RUFY2: variants seen among roughly 807,000 people sequenced by gnomAD.
RUFY2 encodes RUN and FYVE domain-containing protein 2.
RUFY2 carries 49 observed loss-of-function variants against 94.4 expected under a neutral mutation model. The observed-to-expected ratio is 0.52, with a 90% CI of 0.41 to 0.66. The LOEUF is 0.66. RUFY2 is among the 30% of genes least tolerant of loss of function. The probability of loss-of-function intolerance (pLI) is 0.00; values close to 1 mark genes in which losing one functional copy is unlikely to be tolerated. For synonymous variants in RUFY2, 255 were observed against 235.7 expected (o/e 1.08, Z -0.75); for missense variants, 541 against 692.8 (o/e 0.78, Z 2.46).
At chr10:68,401,787 G>C (rs776470330) in intron 2 of RUFY2, 50 bp from the exon 3 acceptor site, 2 of 1,043,680 alleles carry the variant, frequency 1.9e-6, no homozygotes, top group Non-Finnish European at 3.0e-6. Flanking sequence ...AAAAACTGTA[G>C]TAACTTATTT....
intron 15 of RUFY2, among the ~76,000 whole-genome samples, chr10:68,358,719 T>C (rs571277926): frequency 1.6e-4 from 24 of 152,250 alleles, no homozygotes; most frequent in Non-Finnish European, 3.4e-4. Context: ...GAGACCAGCC[T>C]AGCCAACATG....
At chr10:68,382,038 C>T (rs986012608) in intron 10 of RUFY2, among the ~76,000 whole-genome samples, 8 of 151,244 alleles carry the variant, frequency 5.3e-5, no homozygotes, top group African/African-American at 1.7e-4. Context: ...ACTCAAATAA[C>T]AGTTTAATTT....
intron 7 of RUFY2, among the ~76,000 whole-genome samples, chr10:68,390,815 G>C (rs1408299531): frequency 6.6e-6 from 1 of 151,604 alleles, no homozygotes; most frequent in South Asian, 2.1e-4. Context: ...CACCGAGGCT[G>C]GAATGCAGTG....
chr10:68,359,650 T>C (rs1439969230), intron 15 of RUFY2, among the ~76,000 whole-genome samples: 1 of 148,048 alleles, frequency 6.8e-6, no homozygotes, highest in African/African-American at 2.5e-5. Flanking sequence ...CTACTATATA[T>C]ATAAAAATAT....
rs747619601 is a variant in RUFY2 at position 68,345,929 on chromosome 10, CAGAG to C, written c.1678-22_1678-19del. 2 of 1,611,052 alleles carry C rather than the reference CAGAG, an allele frequency of 1.2e-6. No individual in the cohort carries two copies. The highest frequency in any genetic ancestry group is 1.3e-5 in the African/African-American group (1 of 74,792). ...CAGTGGTGCTATTAAACAGAAAAAT[CAGAG>C]GGAAAAAAACACTTTAAATAAAATT... is the stretch of plus-strand genomic sequence containing the variant. On this transcript the variant is annotated intron_variant, in intron 17 of 17. Transcript: ENST00000602465.
At chr10:68,350,843 G>C (rs1371217353) in intron 16 of RUFY2, among the ~76,000 whole-genome samples, 1 of 151,744 alleles carries the variant, frequency 6.6e-6, no homozygotes, top group Non-Finnish European at 1.5e-5. Flanking sequence ...CTCCTGAGTA[G>C]CTAGGGTTAC....
rs758575750 is a variant in RUFY2, at chr10:68,376,806, G to A, written c.1325+47C>T. On this transcript the variant is annotated intron_variant, in intron 13 of 17. Coordinates refer to ENST00000602465, the MANE Select transcript of RUFY2 (RefSeq NM_001330103.2). ...CTATCATTATGTGCAAAAAAATGAGGGGGTTATGTTAACACAAGTATTTGT... is the reference window on the plus strand; with the variant it reads ...CTATCATTATGTGCAAAAAAATGAGAGGGTTATGTTAACACAAGTATTTGT... 3.9e-6 allele frequency: 6 copies of A among 1,532,476 alleles called. No individual in the cohort carries two copies. The Admixed American group carries it at 6.9e-5, about 18-fold the overall frequency. 94.9% of individuals were successfully genotyped at this position (1,532,476 alleles called of 1,614,324 possible). A position where few individuals can be genotyped will look rare whatever the true frequency, so the allele number is the denominator to read the frequency against.
chr10:68,393,300 A>G, intron 6 of RUFY2, 97 bp from the exon 7 acceptor site: 1 of 585,602 alleles, frequency 1.7e-6, no homozygotes, highest in Non-Finnish European at 2.9e-6. Flanking sequence ...AACTAAAATA[A>G]TAAAACATTG....
intron 3 of RUFY2, among the ~76,000 whole-genome samples, chr10:68,400,520 C>T (rs560898314): frequency 2.0e-5 from 3 of 148,076 alleles, no homozygotes; most frequent in South Asian, 4.3e-4. Context: ...ACTAAAAATA[C>T]AAAAAATCAG....
At position 68,404,843 on chromosome 10, in the gene RUFY2, A is replaced by G; in HGVS notation, c.6T>C (p.Ala2=). The change falls in exon 2 of 18, where the codon GCT becomes GCC. Residue 2 remains alanine (A), a splice_region_variant and synonymous_variant. Transcript: ENST00000602465. ...TCTCTACAGCTGTGGGGTCTTTTGTAGCTGAAAACACAAGAAAGGAATCCA... is the reference window on the plus strand; with the variant it reads ...TCTCTACAGCTGTGGGGTCTTTTGTGGCTGAAAACACAAGAAAGGAATCCA... M[A]TKDPTAVERA... is the part of the protein sequence containing the mutation. The G allele has an allele frequency of 6.5e-7, 1 of 1,546,886 alleles. No individual in the cohort carries two copies. Among genetic ancestry groups the G allele is most frequent in the Non-Finnish European group, 8.7e-7 (1 of 1,146,738 alleles).
chr10:68,369,736 A>G (rs758040418), intron 13 of RUFY2, among the ~76,000 whole-genome samples: 17 of 152,110 alleles, frequency 1.1e-4, no homozygotes, highest in Non-Finnish European at 2.2e-4. Flanking sequence ...AGCCTAGGCA[A>G]CATAGAGAGA....
At chr10:68,341,813 G>GT, downstream of RUFY2, 1 of 1,611,470 alleles carries the variant, frequency 6.2e-7, no homozygotes, top group Non-Finnish European at 8.5e-7. Flanking sequence ...AACAATTACA[G>GT]TGGAGGATAT....
At position 68,384,049 on chromosome 10, in the gene RUFY2, A is replaced by G. The variant is rs1254654786; in HGVS notation, c.822+2T>C. On this transcript the variant is annotated splice_donor_variant, in intron 9 of 17. Coordinates refer to ENST00000602465, the MANE Select transcript of RUFY2 (RefSeq NM_001330103.2). LOFTEE classifies it high-confidence loss of function. ...GTCTGCTTGAAAGCAGTCTATACTT[A>G]CCTCTAGGTGCTGCTGTGTTTTCAT... is the stretch of plus-strand genomic sequence containing the variant. The G allele has an allele frequency of 6.2e-7, 1 of 1,610,076 alleles. No homozygotes were observed. The highest frequency in any genetic ancestry group is 1.1e-5 in the South Asian group (1 of 90,630).
chr10:68,371,507 G>A (rs759627244), intron 13 of RUFY2, among the ~76,000 whole-genome samples: 67 of 151,530 alleles, frequency 4.4e-4, no homozygotes, highest in Non-Finnish European at 7.5e-4. Context: ...CAGAAGAATC[G>A]CTTGAATCCA....
intron 13 of RUFY2, among the ~76,000 whole-genome samples, chr10:68,374,660 T>C (rs937855357): frequency 7.2e-5 from 11 of 152,200 alleles, no homozygotes; most frequent in African/African-American, 2.7e-4. Flanking sequence ...CTTCAATAGG[T>C]ATAAAGGCAG....
At chr10:68,407,081 C>T in intron 1 of RUFY2, 105 bp downstream of exon 1, 1 of 1,496,730 alleles carries the variant, frequency 6.7e-7, no homozygotes, top group Non-Finnish European at 8.8e-7. Context: ...CCAGTTCCGA[C>T]TGGCGGCCTC....
In RUFY2 at chr10:68,404,624, A is replaced by G. The variant is rs369745030; in HGVS notation, c.178+47T>C. 3.8e-5 allele frequency: 54 copies of G among 1,411,574 alleles called. No homozygotes were observed. In the African/African-American group the frequency reaches 7.0e-4, roughly 18 times the overall value. 87.4% of individuals were successfully genotyped at this position (1,411,574 alleles called of 1,614,324 possible). A position where few individuals can be genotyped will look rare whatever the true frequency, so the allele number is the denominator to read the frequency against. On this transcript the variant is annotated intron_variant, in intron 2 of 17. Transcript: ENST00000602465. Reference sequence around the variant, plus strand: ...ATAACCCATTCTCAAGGGCACTTGAAAAACGGAAATTCTAAAATGAATTAA... The same window carrying G: ...ATAACCCATTCTCAAGGGCACTTGAGAAACGGAAATTCTAAAATGAATTAA...
intron 15 of RUFY2, among the ~76,000 whole-genome samples, chr10:68,357,539 G>A (rs752381117): frequency 6.6e-6 from 1 of 151,630 alleles, no homozygotes; most frequent in Non-Finnish European, 1.5e-5. Flanking sequence ...GCCCCAGTTG[G>A]TATAATTTAA....
chr10:68,346,772 A>G (rs2046305444), intron 16 of RUFY2: 1 of 152,226 alleles, frequency 6.6e-6, no homozygotes, highest in African/African-American at 2.4e-5. Context: ...ATTTAAGGAT[A>G]AATTCTCACT....
Sources: gnomAD v4.1 joint callset for allele counts (sites outside exome capture counted in the v4.1 genomes callset) on GRCh38, gnomAD v4.1.1 for gene constraint, MANE v1.5 for transcripts, NCBI Gene and HGNC (gene_info 2026-07-23, HGNC 2026-07-21) for gene names.